Variants in CCDC138 observed in about 807,000 individuals in gnomAD.
CCDC138 encodes the protein coiled-coil domain containing 138.
In CCDC138, 66 loss-of-function variants were observed where a neutral mutation model predicts 82.3. The ratio of observed to expected loss-of-function variants is 0.80; its 90% CI spans 0.66 to 0.98. The LOEUF (loss-of-function observed/expected upper bound fraction) is 0.98, where lower values mean the gene tolerates loss of function less well. Ranked by LOEUF, CCDC138 falls within the 50% of genes least tolerant of loss-of-function variation. The pLI, the probability that CCDC138 is intolerant of heterozygous loss-of-function variation, is 0.00. For synonymous variants in CCDC138, 297 were observed against 265.4 expected (o/e 1.12, Z -1.16); for missense variants, 816 against 758.9 (o/e 1.08, Z -0.88).
At chr2:108,827,394 T>C (rs1170119803) in intron 10 of CCDC138, among the ~76,000 whole-genome samples, 1 of 152,208 alleles carries the variant, frequency 6.6e-6, no homozygotes, top group Admixed American at 6.5e-5. Flanking sequence ...AAACAAAATG[T>C]AGAAAACTAC....
chr2:108,852,977 T>G (rs948661998), intron 12 of CCDC138, among the ~76,000 whole-genome samples: 3 of 152,214 alleles, frequency 2.0e-5, no homozygotes, highest in African/African-American at 2.4e-5. Flanking sequence ...CAATTTTGTT[T>G]GTATCAAAGT....
chr2:108,841,072 G>A (rs952293248), intron 11 of CCDC138, among the ~76,000 whole-genome samples: 2 of 152,052 alleles, frequency 1.3e-5, no homozygotes, highest in Admixed American at 6.6e-5. Context: ...TTGACCTCAA[G>A]TGATCTGCCC....
chr2:108,856,671 C>T, intron 12 of CCDC138, 123 bp from the exon 13 acceptor site: 1 of 857,526 alleles, frequency 1.2e-6, no homozygotes, highest in Non-Finnish European at 1.8e-6. Context: ...ACTGTGATCT[C>T]TTATTTAATT....
rs1347060771 is a variant in CCDC138 at position 108,811,833 on chromosome 2, T to C, written c.856-798T>C. On this transcript the variant is annotated intron_variant, in intron 7 of 14. Coordinates refer to ENST00000295124, the MANE Select transcript of CCDC138 (RefSeq NM_144978.3). ...CTTTATGTCCATATGTGTGTACCCA[T>C]TGTTTATCTTTGACTTATAAATGAG... 1.3e-5 allele frequency among the ~76,000 whole-genome samples: 2 copies of C among 152,134 alleles called. 1 individual carries two copies. Among genetic ancestry groups the C allele is most frequent in the Admixed American group, 1.3e-4 (2 of 15,274 alleles).
rs1056232663 is a variant in CCDC138 at position 108,794,654 on chromosome 2, G to A, written c.509G>A (p.Arg170Gln). 15 of 1,613,912 alleles carry A rather than the reference G, an allele frequency of 9.3e-6. No individual in the cohort carries two copies. Among genetic ancestry groups the A allele is most frequent in the East Asian group, 6.7e-5 (3 of 44,874 alleles). ...SCPKSKASDK[R>Q]SLLPHQISQI... is the part of the protein sequence containing the mutation. ...CCAAAATCTAAAGCATCAGACAAGC[G>A]GAGTTTACTTCCACATCAGATCAGT... Residue 170 changes from arginine to glutamine, a missense_variant, in exon 5 of 15, where the codon CGG (arginine) becomes CAG (glutamine). Transcript: ENST00000295124.
intron 10 of CCDC138, among the ~76,000 whole-genome samples, chr2:108,831,813 A>T (rs1012099926): frequency 6.6e-6 from 1 of 151,724 alleles, no homozygotes; most frequent in African/African-American, 2.4e-5. Context: ...GCCCACTGCA[A>T]CTACTGCCTC....
At chr2:108,803,081 A>C (rs534574068) in intron 6 of CCDC138, among the ~76,000 whole-genome samples, 3 of 152,206 alleles carry the variant, frequency 2.0e-5, no homozygotes, top group Non-Finnish European at 4.4e-5. Context: ...TAAAATCCTA[A>C]TGCATTTCTC....
intron 6 of CCDC138, among the ~76,000 whole-genome samples, chr2:108,802,764 G>T (rs951576197): frequency 6.6e-6 from 1 of 150,992 alleles, no homozygotes; most frequent in African/African-American, 2.4e-5. Context: ...TCGGCTGTGG[G>T]TTTGTCATAG....
At chr2:108,844,551 GTCTTT>G (rs1266376369) in intron 11 of CCDC138, among the ~76,000 whole-genome samples, 1 of 152,038 alleles carries the variant, frequency 6.6e-6, no homozygotes, top group Non-Finnish European at 1.5e-5. Context: ...GCTGTTGATT[GTCTTT>G]TCTTCATTCA....
chr2:108,852,945 T>C (rs939872532), intron 12 of CCDC138, among the ~76,000 whole-genome samples: 1 of 152,166 alleles, frequency 6.6e-6, no homozygotes, highest in African/African-American at 2.4e-5. Context: ...AAATATAATG[T>C]GTCACTGAGA....
Position 108,811,247 on chromosome 2 carries a change from C to CTCTT in CCDC138, c.856-1383_856-1382insCTTT, listed in dbSNP as rs760937756. ...CTCCCTTTTCTTTCTTTCTCTCTCT[C>CTCTT]TTTTTTTTTTTTTTTGACTGTCTCC... On this transcript the variant is annotated intron_variant, in intron 7 of 14. Coordinates refer to ENST00000295124, the MANE Select transcript of CCDC138 (RefSeq NM_144978.3). 1.3e-3 allele frequency among the ~76,000 whole-genome samples: 148 copies of CTCTT among 113,892 alleles called. 6 individuals carry two copies. The highest frequency in any genetic ancestry group is 4.9e-3 in the African/African-American group (128 of 26,264). The allele number at this position is 113,892 out of a possible 152,430, so 74.7% of individuals were successfully genotyped here.
chr2:108,822,527 A>G (rs1685890095), intron 10 of CCDC138, among the ~76,000 whole-genome samples: 1 of 152,216 alleles, frequency 6.6e-6, no homozygotes, highest in Non-Finnish European at 1.5e-5. Context: ...TGTACATGGA[A>G]CATCCTCCAG....
At chr2:108,873,774 A>T (rs761153843) in intron 14 of CCDC138, among the ~76,000 whole-genome samples, 185 bp downstream of exon 14, 17 of 152,198 alleles carry the variant, frequency 1.1e-4, no homozygotes, top group Admixed American at 2.6e-4. Context: ...AAAACCTCAT[A>T]GTGTTTTCAG....
chr2:108,809,528 G>A (rs574558698), intron 7 of CCDC138, among the ~76,000 whole-genome samples: 31 of 151,504 alleles, frequency 2.0e-4, no homozygotes, highest in East Asian at 1.8e-3. Flanking sequence ...AGTTTTCATC[G>A]TGGAAATCTT....
At chr2:108,814,304 C>T (rs182334799) in intron 9 of CCDC138, among the ~76,000 whole-genome samples, 232 of 152,204 alleles carry the variant, frequency 1.5e-3, no homozygotes, top group Middle Eastern at 6.8e-3. Context: ...CATTTTGACC[C>T]TTCCAGTGGG....
chr2:108,853,895 ATATAT>A (rs1337309948), intron 12 of CCDC138, among the ~76,000 whole-genome samples: 134 of 119,546 alleles, frequency 1.1e-3, no homozygotes, highest in African/African-American at 4.7e-3. Flanking sequence ...TATATAGTAT[ATATAT>A]TATATATTAT....
intron 7 of CCDC138, among the ~76,000 whole-genome samples, chr2:108,806,707 A>T (rs755762924): frequency 6.6e-6 from 1 of 152,238 alleles, no homozygotes; most frequent in African/African-American, 2.4e-5. Context: ...TCCTGGCTAG[A>T]TGAATAACAT....
At chr2:108,871,487 G>A (rs529613896) in intron 13 of CCDC138, among the ~76,000 whole-genome samples, 1 of 151,874 alleles carries the variant, frequency 6.6e-6, no homozygotes, top group Non-Finnish European at 1.5e-5. Context: ...AGAGGGAGGA[G>A]GCTTCAGTGA....
At chr2:108,828,522 A>T (rs1220754689) in intron 10 of CCDC138, among the ~76,000 whole-genome samples, 1 of 152,244 alleles carries the variant, frequency 6.6e-6, no homozygotes, top group Non-Finnish European at 1.5e-5. Context: ...AATGGGATAG[A>T]ATGGAGAGCC....
Sources: gnomAD v4.1 joint callset for allele counts (sites outside exome capture counted in the v4.1 genomes callset) on GRCh38, gnomAD v4.1.1 for gene constraint, MANE v1.5 for transcripts, NCBI Gene and HGNC (gene_info 2026-07-23, HGNC 2026-07-21) for gene names.